CHRM3: variants seen among roughly 807,000 people sequenced by gnomAD.
CHRM3 encodes the protein muscarinic acetylcholine receptor M3.
CHRM3 carries 11 observed loss-of-function variants against 41.8 expected under a neutral mutation model. The observed-to-expected ratio is 0.26, with a 90% CI of 0.17 to 0.44. CHRM3 has a LOEUF of 0.44. CHRM3 is among the 20% of genes least tolerant of loss of function. CHRM3 has a pLI of 1.00. For synonymous variants in CHRM3, 297 were observed against 301.4 expected (o/e 0.99, Z 0.15); for missense variants, 571 against 745.4 (o/e 0.77, Z 2.72).
intron 1 of CHRM3, among the ~76,000 whole-genome samples, chr1:239,434,931 C>T (rs1037219417): frequency 9.9e-5 from 15 of 152,136 alleles, no homozygotes; most frequent in Admixed American, 3.9e-4. Context: ...TGGACCTCCT[C>T]GAGATCGCTT....
At chr1:239,586,267 AT>A (rs1466013519) in intron 3 of CHRM3, among the ~76,000 whole-genome samples, 1 of 151,926 alleles carries the variant, frequency 6.6e-6, no homozygotes, top group African/African-American at 2.4e-5. Flanking sequence ...TTTTTTATTT[AT>A]TTTTTGCTGC....
rs141660875 is a variant in CHRM3, at chr1:239,537,199, A to G, written c.-421-8442A>G. On this transcript the variant is annotated intron_variant, in intron 2 of 6. Transcript: ENST00000676153. ...TTTTTACATGTGAGTTAAATGGTAC[A>G]TCGTCCTGTGTTAGGCAGTTCTTGC... Among the ~76,000 whole-genome samples the G allele has an allele frequency of 2.7e-3, 405 of 152,298 alleles. 3 individuals carry two copies. The highest frequency in any genetic ancestry group is 9.4e-3 in the African/African-American group (390 of 41,554).
intron 6 of CHRM3, among the ~76,000 whole-genome samples, chr1:239,873,964 T>C (rs1676815934): frequency 6.6e-6 from 1 of 152,082 alleles, no homozygotes; most frequent in African/African-American, 2.4e-5. Flanking sequence ...AGGACTGTCA[T>C]GGATTTCATG....
intron 1 of CHRM3, among the ~76,000 whole-genome samples, chr1:239,474,765 C>T (rs187790638): frequency 6.6e-6 from 1 of 152,216 alleles, no homozygotes; most frequent in Admixed American, 6.5e-5. Flanking sequence ...AGGTGGGCTA[C>T]TGCATACAAA....
intron 4 of CHRM3, among the ~76,000 whole-genome samples, chr1:239,648,409 G>T (rs16832152): frequency 0.26 from 39,922 of 152,034 alleles, 6,021 homozygotes; most frequent in East Asian, 0.65. Context: ...CTCCTTCATG[G>T]TAGAGGATGC....
At chr1:239,735,773 G>T (rs191830362) in intron 5 of CHRM3, among the ~76,000 whole-genome samples, 2 of 152,092 alleles carry the variant, frequency 1.3e-5, no homozygotes, top group Non-Finnish European at 2.9e-5. Flanking sequence ...TCCGAAAAAT[G>T]CTGATAAATT....
chr1:239,728,793 AT>A (rs1272464335), intron 5 of CHRM3, among the ~76,000 whole-genome samples: 2 of 152,010 alleles, frequency 1.3e-5, no homozygotes, highest in Non-Finnish European at 2.9e-5. Context: ...ACACACTCAC[AT>A]ATACGCCCTT....
intron 3 of CHRM3, among the ~76,000 whole-genome samples, chr1:239,611,606 A>G (rs1667061982): frequency 1.3e-5 from 2 of 151,822 alleles, no homozygotes; most frequent in South Asian, 4.2e-4. Context: ...TTTTTAGTAG[A>G]GATGGGGTTT....
At chr1:239,639,302 A>G (rs1436852586) in intron 4 of CHRM3, among the ~76,000 whole-genome samples, 1 of 152,234 alleles carries the variant, frequency 6.6e-6, no homozygotes, top group African/African-American at 2.4e-5. Context: ...TCTGTGAAGA[A>G]AGTCATTGGT....
chr1:239,808,183 C>T (rs921994324), intron 5 of CHRM3, among the ~76,000 whole-genome samples: 2 of 152,128 alleles, frequency 1.3e-5, no homozygotes, highest in African/African-American at 4.8e-5. Context: ...AGGAAGACAG[C>T]CCTAGAGAAA....
intron 1 of CHRM3, among the ~76,000 whole-genome samples, chr1:239,440,944 T>A (rs1012591043): frequency 1.3e-5 from 2 of 151,980 alleles, no homozygotes; most frequent in Non-Finnish European, 2.9e-5. Flanking sequence ...ACACTTTGTT[T>A]GTAAGGCAGA....
chr1:239,894,732 C>T (rs997630581), intron 6 of CHRM3, among the ~76,000 whole-genome samples: 5 of 152,106 alleles, frequency 3.3e-5, no homozygotes, highest in South Asian at 2.1e-4. Flanking sequence ...CGCGCCCGAC[C>T]GAGAAGTCTT....
intron 3 of CHRM3, among the ~76,000 whole-genome samples, chr1:239,606,747 A>C: frequency 6.6e-6 from 1 of 152,172 alleles, no homozygotes; most frequent in East Asian, 1.9e-4. Flanking sequence ...GTGTAGGCTA[A>C]ATAAAAAGCC....
intron 5 of CHRM3, among the ~76,000 whole-genome samples, chr1:239,755,596 G>A (rs535305111): frequency 6.6e-6 from 1 of 152,278 alleles, no homozygotes; most frequent in Admixed American, 6.5e-5. Context: ...ACAGAAAAAG[G>A]GTATGAAACA....
At chr1:239,671,441 G>T (rs1330863794) in intron 4 of CHRM3, among the ~76,000 whole-genome samples, 1 of 152,096 alleles carries the variant, frequency 6.6e-6, no homozygotes, top group Non-Finnish European at 1.5e-5. Context: ...GGACATGGTG[G>T]TGCACTCTAT....
At chr1:239,599,166 C>A (rs148015790) in intron 3 of CHRM3, among the ~76,000 whole-genome samples, 27 of 152,222 alleles carry the variant, frequency 1.8e-4, no homozygotes, top group Middle Eastern at 3.4e-3. Flanking sequence ...TCTGCTCTGC[C>A]AACTGCAACA....
At chr1:239,522,148 A>G (rs1669691727) in intron 2 of CHRM3, among the ~76,000 whole-genome samples, 1 of 152,192 alleles carries the variant, frequency 6.6e-6, no homozygotes, top group South Asian at 2.1e-4. Context: ...TAACTTCCTC[A>G]TCCCATAAAC....
At chr1:239,513,778 A>G (rs932929409) in intron 2 of CHRM3, among the ~76,000 whole-genome samples, 11 of 152,266 alleles carry the variant, frequency 7.2e-5, no homozygotes, top group Non-Finnish European at 8.8e-5. Flanking sequence ...AGTTAGATCT[A>G]TGATCCATTT....
chr1:239,402,931 G>T (rs1356788579), intron 1 of CHRM3, among the ~76,000 whole-genome samples: 1 of 152,032 alleles, frequency 6.6e-6, no homozygotes, highest in East Asian at 1.9e-4. Context: ...TTCAAGTTTT[G>T]CTTTTTGGAA....
Sources: gnomAD v4.1 joint callset for allele counts (sites outside exome capture counted in the v4.1 genomes callset) on GRCh38, gnomAD v4.1.1 for gene constraint, MANE v1.5 for transcripts, NCBI Gene and HGNC (gene_info 2026-07-23, HGNC 2026-07-21) for gene names.